MYO1D: variants seen among roughly 807,000 people sequenced by gnomAD.
MYO1D encodes the protein unconventional myosin-Id.
MYO1D carries 83 observed loss-of-function variants against 122.0 expected under a neutral mutation model. The ratio of observed to expected loss-of-function variants is 0.68; its 90% CI spans 0.57 to 0.82. The LOEUF is 0.82. Ranked by LOEUF, MYO1D falls within the 40% of genes least tolerant of loss-of-function variation. The pLI, the probability that MYO1D is intolerant of heterozygous loss-of-function variation, is 0.00. For missense variants in MYO1D, 1,157 were observed against 1,269.5 expected (o/e 0.91, Z 1.35); for synonymous variants, 464 against 446.9 (o/e 1.04, Z -0.48).
chr17:32,701,487 C>T (rs1405321377), intron 16 of MYO1D, among the ~76,000 whole-genome samples: 2 of 152,166 alleles, frequency 1.3e-5, no homozygotes, highest in African/African-American at 4.8e-5. Context: ...ACATAAGCAT[C>T]TTGATATCTG....
intron 14 of MYO1D, chr17:32,727,524 A>T (rs2089591478): frequency 1.3e-5 from 2 of 152,256 alleles, no homozygotes; most frequent in Non-Finnish European, 2.9e-5. Context: ...ATGTCTTACT[A>T]GGTTGCCAGA....
At chr17:32,780,859 T>C in intron 1 of MYO1D, 75 bp from the exon 2 acceptor site, 1 of 1,417,106 alleles carries the variant, frequency 7.1e-7, no homozygotes, top group Non-Finnish European at 9.8e-7. Context: ...GTGAGTCTCT[T>C]ATTTCCAAGG....
At chr17:32,757,354 T>G (rs2089959140) in intron 10 of MYO1D, among the ~76,000 whole-genome samples, 1 of 152,086 alleles carries the variant, frequency 6.6e-6, no homozygotes, top group African/African-American at 2.4e-5. Context: ...ACATTTCTAG[T>G]CAAAATGGGG....
intron 21 of MYO1D, among the ~76,000 whole-genome samples, chr17:32,583,057 T>C (rs1037904907): frequency 5.9e-5 from 9 of 152,364 alleles, no homozygotes; most frequent in South Asian, 4.1e-4. Context: ...TAACATCTCT[T>C]GTACTGTGAG....
intron 1 of MYO1D, among the ~76,000 whole-genome samples, chr17:32,835,210 T>C (rs368416152): frequency 6.6e-6 from 1 of 151,238 alleles, no homozygotes; most frequent in Non-Finnish European, 1.5e-5. Context: ...CCAGATACCA[T>C]ACCCTGCCTG....
At chr17:32,827,159 CGGAGA>C (rs1187927539) in intron 1 of MYO1D, among the ~76,000 whole-genome samples, 3 of 152,004 alleles carry the variant, frequency 2.0e-5, no homozygotes, top group Admixed American at 6.6e-5. Flanking sequence ...GATGGATGAA[CGGAGA>C]AACAAAATGT....
At chr17:32,594,368 A>G (rs935306417) in intron 21 of MYO1D, 2 of 422,556 alleles carry the variant, frequency 4.7e-6, no homozygotes, top group Admixed American at 8.5e-5. Context: ...ATTTTCTGCA[A>G]TATCAACTGT....
At chr17:32,696,200 A>C (rs2089170072) in intron 16 of MYO1D, among the ~76,000 whole-genome samples, 1 of 152,228 alleles carries the variant, frequency 6.6e-6, no homozygotes, top group Non-Finnish European at 1.5e-5. Context: ...AGACAAGAGA[A>C]TATGTACAAA....
chr17:32,571,336 C>T (rs1470144079), intron 21 of MYO1D, among the ~76,000 whole-genome samples: 1 of 152,136 alleles, frequency 6.6e-6, no homozygotes, highest in African/African-American at 2.4e-5. Flanking sequence ...GCAACCCCGC[C>T]TCTGGCCCTC....
At chr17:32,829,706 G>A (rs752105195) in intron 1 of MYO1D, among the ~76,000 whole-genome samples, 38 of 152,050 alleles carry the variant, frequency 2.5e-4, no homozygotes, top group Non-Finnish European at 4.6e-4. Context: ...TGCCCACCTC[G>A]GCCTCCCAAA....
chr17:32,574,359 C>T lies in MYO1D; in HGVS notation c.2864+30728G>A, dbSNP rs551120616. On this transcript the variant is annotated intron_variant, in intron 21 of 21. Transcript: ENST00000318217. Reference sequence around the variant, plus strand: ...GCACCCAAGATGAAATTTTGTAAAGCTAGCTAATTTAAATTAAGTGGGTTA... The same window carrying T: ...GCACCCAAGATGAAATTTTGTAAAGTTAGCTAATTTAAATTAAGTGGGTTA... 6.6e-5 allele frequency among the ~76,000 whole-genome samples: 10 copies of T among 152,120 alleles called. No individual in the cohort carries two copies. In the South Asian group the frequency reaches 1.5e-3, roughly 22 times the overall value.
chr17:32,827,555 G>T (rs2090733701), intron 1 of MYO1D, among the ~76,000 whole-genome samples: 1 of 151,938 alleles, frequency 6.6e-6, no homozygotes. Context: ...TGGCTAAAAT[G>T]GTAATTTTAT....
intron 19 of MYO1D, among the ~76,000 whole-genome samples, chr17:32,639,363 TTGTGTGTG>T (rs10674390): frequency 9.0e-4 from 116 of 128,268 alleles, no homozygotes; most frequent in African/African-American, 2.8e-3. Flanking sequence ...GGGAGAAATT[TTGTGTGTG>T]TGTGTGTGTG....
chr17:32,712,042 G>A lies in MYO1D; in HGVS notation c.2067C>T (p.Thr689=). ...IFIRTPRTLF[T]LEELRAQMLI... ...GCATCTGGGCACGGAGTTCTTCCAA[G>A]GTAAACAATGTTCGGGGTGTTCGAA... Residue 689 remains threonine, a synonymous_variant, in exon 16 of 22, where the codon ACC becomes ACT. Transcript: ENST00000318217. The A allele has an allele frequency of 2.5e-6, 4 of 1,614,106 alleles. No homozygotes were observed. Among genetic ancestry groups the A allele is most frequent in the Middle Eastern group, 3.3e-4 (2 of 6,062 alleles).
At chr17:32,596,530 G>A (rs2087494631) in intron 21 of MYO1D, among the ~76,000 whole-genome samples, 1 of 152,216 alleles carries the variant, frequency 6.6e-6, no homozygotes, top group South Asian at 2.1e-4. Flanking sequence ...ATCGGTATGG[G>A]TCTCCCCATG....
At chr17:32,685,427 C>A (rs1388405772) in intron 16 of MYO1D, among the ~76,000 whole-genome samples, 1 of 152,198 alleles carries the variant, frequency 6.6e-6, no homozygotes, top group Non-Finnish European at 1.5e-5. Flanking sequence ...GTTCACTTCT[C>A]ATCTTGAGAG....
intron 21 of MYO1D, among the ~76,000 whole-genome samples, chr17:32,512,594 C>T (rs945608252): frequency 6.6e-6 from 1 of 152,206 alleles, no homozygotes; most frequent in Non-Finnish European, 1.5e-5. Context: ...CTGGAATAAA[C>T]TAGGCTCTCA....
At chr17:32,826,048 TA>T (rs5819999) in intron 1 of MYO1D, among the ~76,000 whole-genome samples, 56,563 of 119,236 alleles carry the variant, frequency 0.47, 12,800 homozygotes, top group African/African-American at 0.49. Flanking sequence ...AACTCCATCT[TA>T]AAAAAAAAAA....
chr17:32,776,052 T>A (rs756899356), intron 3 of MYO1D, 23 bp from the exon 4 acceptor site: 2 of 1,599,734 alleles, frequency 1.3e-6, no homozygotes, highest in East Asian at 4.5e-5. Flanking sequence ...TAAATGAAAG[T>A]CATTATAAAA....
Sources: gnomAD v4.1 joint callset for allele counts (sites outside exome capture counted in the v4.1 genomes callset) on GRCh38, gnomAD v4.1.1 for gene constraint, MANE v1.5 for transcripts, NCBI Gene and HGNC (gene_info 2026-07-23, HGNC 2026-07-21) for gene names.